The following CRISP3 variants were observed in gnomAD, a reference collection of about 807,000 sequenced individuals.
CRISP3 encodes the protein cysteine-rich secretory protein 3.
Under a neutral mutation model 36.1 loss-of-function variants are expected in CRISP3, and 33 were observed. That is an observed-to-expected ratio of 0.91 (90% CI 0.69 to 1.22). The LOEUF (loss-of-function observed/expected upper bound fraction) is 1.22. Ranked by LOEUF, CRISP3 falls within the 50% of genes most tolerant of loss-of-function variation. The pLI is 0.00. For synonymous variants in CRISP3, 117 were observed against 104.6 expected, an observed-to-expected ratio of 1.12 and a Z score of -0.72; for missense variants, 330 against 301.2, an observed-to-expected ratio of 1.10 and a Z score of -0.71.
chr6:49,744,374 A>G lies in CRISP3; in HGVS notation c.-7T>C. On this transcript the variant is annotated 5_prime_UTR_variant, in exon 1 of 8. Transcript: ENST00000263045. ...GATGAAGTATTTGTTTCATCTATTG[A>G]CAGAAGGAAGGTGCAGAGAGAGAAG... 6.5e-7 allele frequency: 1 copy of G among 1,533,102 alleles called. No homozygotes were observed. The highest frequency in any genetic ancestry group is 1.2e-5 in the South Asian group (1 of 83,856). The allele number at this position is 1,533,102 out of a possible 1,614,324, so 95.0% of individuals were successfully genotyped here.
intron 1 of CRISP3, among the ~76,000 whole-genome samples, chr6:49,742,472 A>G (rs1417875160): frequency 6.6e-6 from 1 of 151,996 alleles, no homozygotes; most frequent in African/African-American, 2.4e-5. Context: ...TCTCTACTAA[A>G]ACTACAAAAG....
At chr6:49,733,060 G>C (rs1261602856) in intron 6 of CRISP3, 135 bp downstream of exon 6, 1 of 489,732 alleles carries the variant, frequency 2.0e-6, no homozygotes, top group African/African-American at 2.0e-5. Flanking sequence ...TTGGTTGAAT[G>C]TGTCTCAACT....
chr6:49,733,071 T>A, intron 6 of CRISP3, 124 bp downstream of exon 6: 1 of 531,780 alleles, frequency 1.9e-6, no homozygotes, highest in Middle Eastern at 5.4e-4. Context: ...TGTCTCAACT[T>A]TAGAAAACAT....
intron 3 of CRISP3, 57 bp from the exon 4 acceptor site, chr6:49,735,648 T>C (rs1769031744): frequency 1.5e-6 from 2 of 1,316,446 alleles, no homozygotes; most frequent in Non-Finnish European, 2.2e-6. Context: ...CAAAGGAGCA[T>C]AAGCTTTATA....
chr6:49,741,414 A>G (rs988168480), intron 1 of CRISP3, among the ~76,000 whole-genome samples: 4 of 152,086 alleles, frequency 2.6e-5, no homozygotes, highest in African/African-American at 9.7e-5. Flanking sequence ...TTCATAAATG[A>G]ATTGCAAGAA....
In CRISP3 at chr6:49,728,444, A is replaced by G. The variant is rs894164808; in HGVS notation, c.*286T>C. ...GTGAACTTAGTCATATGAGAATACA[A>G]CTTTCAAAATTTTCACCCTAATTAA... On this transcript the variant is annotated 3_prime_UTR_variant, in exon 8 of 8. Coordinates refer to ENST00000263045, the MANE Select transcript of CRISP3 (RefSeq NM_006061.4). 2.8e-5 allele frequency: 6 copies of G among 214,616 alleles called. No individual in the cohort carries two copies. Among genetic ancestry groups the G allele is most frequent in the Non-Finnish European group, 5.5e-5 (6 of 109,778 alleles). The allele number at this position is 214,616 out of a possible 1,614,324, so 13.3% of individuals were successfully genotyped here.
At chr6:49,741,327 A>T (rs1769196508) in intron 1 of CRISP3, among the ~76,000 whole-genome samples, 1 of 152,050 alleles carries the variant, frequency 6.6e-6, no homozygotes. Flanking sequence ...CCTGAAATGT[A>T]ATCTGAGGAG....
At chr6:49,734,682 C>T (rs796252531) in intron 4 of CRISP3, among the ~76,000 whole-genome samples, 1 of 152,018 alleles carries the variant, frequency 6.6e-6, no homozygotes, top group African/African-American at 2.4e-5. Flanking sequence ...ACCATAGTTA[C>T]CCCCTTTCAT....
intron 5 of CRISP3, among the ~76,000 whole-genome samples, 189 bp from the exon 6 acceptor site, chr6:49,733,481 A>G (rs943690502): frequency 2.0e-5 from 3 of 152,126 alleles, no homozygotes; most frequent in Admixed American, 6.5e-5. Context: ...TTCCATGTAC[A>G]TTCCTTTTTG....
chr6:49,740,216 C>T (rs1769163399), intron 1 of CRISP3, among the ~76,000 whole-genome samples: 2 of 152,168 alleles, frequency 1.3e-5, no homozygotes, highest in Non-Finnish European at 2.9e-5. Flanking sequence ...ATCATTTTAT[C>T]AAATGACCTG....
At chr6:49,734,539 C>A (rs930844159) in intron 4 of CRISP3, among the ~76,000 whole-genome samples, 16 of 152,184 alleles carry the variant, frequency 1.1e-4, no homozygotes, top group African/African-American at 3.9e-4. Context: ...GATGGCTTAA[C>A]AAGGAATGTC....
At chr6:49,743,946 T>C (rs1288723454) in intron 1 of CRISP3, among the ~76,000 whole-genome samples, 1 of 152,166 alleles carries the variant, frequency 6.6e-6, no homozygotes, top group Non-Finnish European at 1.5e-5. Context: ...TGTTTTAATA[T>C]TAGTAAAAGT....
intron 1 of CRISP3, among the ~76,000 whole-genome samples, chr6:49,740,757 C>T (rs1294759637): frequency 6.6e-6 from 1 of 152,058 alleles, no homozygotes; most frequent in East Asian, 1.9e-4. Context: ...CAGAAAAACG[C>T]TTGCTCTAGT....
At chr6:49,734,440 A>C (rs1315867778) in intron 4 of CRISP3, among the ~76,000 whole-genome samples, 1 of 152,124 alleles carries the variant, frequency 6.6e-6, no homozygotes, top group African/African-American at 2.4e-5. Context: ...CACAGGCCAC[A>C]CTCTGGTCAA....
intron 6 of CRISP3, among the ~76,000 whole-genome samples, 163 bp downstream of exon 6, chr6:49,733,032 C>T (rs1768953614): frequency 6.6e-6 from 1 of 152,136 alleles, no homozygotes; most frequent in Non-Finnish European, 1.5e-5. Context: ...GAACTGAAAA[C>T]TTTATCTTTC....
At position 49,736,497 on chromosome 6, in the gene CRISP3, A is replaced by C; in HGVS notation, c.122T>G (p.Phe41Cys). The change falls in exon 3 of 8, where the codon TTT becomes TGT. Residue 41 changes from phenylalanine (F) to cysteine (C), a missense_variant. Coordinates refer to ENST00000263045, the MANE Select transcript of CRISP3 (RefSeq NM_006061.4). ...FPANEDKDPAFTALLTTQTQV... is the reference protein window; with the variant it reads ...FPANEDKDPACTALLTTQTQV... ...TGTTTGGGTGGTTAACAAAGCAGTA[A>C]AAGCGGGATCCTAAGGGAAAATAAA... 2 of 1,610,174 alleles carry C rather than the reference A, an allele frequency of 1.2e-6. No homozygotes were observed. Among genetic ancestry groups the C allele is most frequent in the Admixed American group, 1.7e-5 (1 of 59,962 alleles).
chr6:49,730,654 G>GT (rs778523739), intron 7 of CRISP3, among the ~76,000 whole-genome samples: 120 of 152,236 alleles, frequency 7.9e-4, no homozygotes, highest in Admixed American at 2.7e-3. Context: ...AACATGGATG[G>GT]TAAGTGTTTC....
Position 49,727,583 on chromosome 6 carries a change from T to G in CRISP3, c.*1147A>C, listed in dbSNP as rs1211351431. ...CAGATTCTATTCAGACTTCATCAGT[T>G]TTTTCATTACTGATCTTTTTCTGTT... On this transcript the variant is annotated 3_prime_UTR_variant, in exon 8 of 8. Transcript: ENST00000263045. The G allele has an allele frequency of 6.6e-6, 1 of 152,068 alleles. No homozygotes were observed. Among genetic ancestry groups the G allele is most frequent in the Non-Finnish European group, 1.5e-5 (1 of 67,974 alleles). 9.4% of individuals were successfully genotyped at this position (152,068 alleles called of 1,614,324 possible). A position where few individuals can be genotyped will look rare whatever the true frequency, so the allele number is the denominator to read the frequency against.
chr6:49,730,943 G>A (rs1014475652), intron 7 of CRISP3, among the ~76,000 whole-genome samples: 2 of 152,192 alleles, frequency 1.3e-5, no homozygotes, highest in African/African-American at 2.4e-5. Flanking sequence ...TCAGGAGGCT[G>A]AGGCACAAGA....
Sources: gnomAD v4.1 joint callset for allele counts (sites outside exome capture counted in the v4.1 genomes callset) on GRCh38, gnomAD v4.1.1 for gene constraint, MANE v1.5 for transcripts, NCBI Gene and HGNC (gene_info 2026-07-23, HGNC 2026-07-21) for gene names.